SAMTOR: variants seen among roughly 807,000 people sequenced by gnomAD.
The protein encoded by SAMTOR is S-adenosylmethionine sensor upstream of mTORC1.
the SAMTOR span, among the ~76,000 whole-genome samples, chr7:112,917,892 T>A: frequency 9.2e-5 from 14 of 152,046 alleles, no homozygotes; most frequent in African/African-American, 2.9e-4. Flanking sequence ...AAGGGAAGTT[T>A]AGAGAAAAAA....
the SAMTOR span, among the ~76,000 whole-genome samples, chr7:112,922,077 T>C: frequency 6.6e-6 from 1 of 152,144 alleles, no homozygotes; most frequent in East Asian, 1.9e-4. Flanking sequence ...TGCATCAGCC[T>C]GCCGAGTGCC....
the SAMTOR span, among the ~76,000 whole-genome samples, chr7:112,864,883 T>C: frequency 6.6e-6 from 1 of 152,214 alleles, no homozygotes; most frequent in Non-Finnish European, 1.5e-5. Flanking sequence ...GTCTCCCAAG[T>C]AGCTAGGACA....
chr7:112,903,971 A>G, the SAMTOR span, among the ~76,000 whole-genome samples: 1 of 152,192 alleles, frequency 6.6e-6, no homozygotes, highest in South Asian at 2.1e-4. Context: ...TTAAAAAAAA[A>G]AGCGGGTACT....
the SAMTOR span, among the ~76,000 whole-genome samples, chr7:112,859,679 C>A: frequency 6.6e-6 from 1 of 151,186 alleles, no homozygotes; most frequent in Non-Finnish European, 1.5e-5. Context: ...GTGTTTGTGT[C>A]TTAGCTTTTA....
the SAMTOR span, among the ~76,000 whole-genome samples, chr7:112,862,051 T>G: frequency 6.6e-6 from 1 of 152,072 alleles, no homozygotes; most frequent in South Asian, 2.1e-4. Flanking sequence ...GCTCAGGAGT[T>G]CCAGACCAGG....
the SAMTOR span, among the ~76,000 whole-genome samples, chr7:112,881,832 G>A: frequency 4.6e-5 from 7 of 152,278 alleles, no homozygotes; most frequent in East Asian, 1.2e-3. Context: ...CTGGATACGG[G>A]AAAAGAACTA....
At chr7:112,877,442 C>T in the SAMTOR span, among the ~76,000 whole-genome samples, 2 of 152,104 alleles carry the variant, frequency 1.3e-5, no homozygotes, top group Non-Finnish European at 2.9e-5. Context: ...AAATGTATTG[C>T]TATTTACCAT....
chr7:112,898,755 T>C, the SAMTOR span, among the ~76,000 whole-genome samples: 1 of 152,218 alleles, frequency 6.6e-6, no homozygotes, highest in African/African-American at 2.4e-5. Flanking sequence ...CAGACACTCA[T>C]TCCACCTGGG....
At chr7:112,891,021 T>C in the SAMTOR span, among the ~76,000 whole-genome samples, 1 of 152,124 alleles carries the variant, frequency 6.6e-6, no homozygotes, top group Non-Finnish European at 1.5e-5. Flanking sequence ...AAGGAAATCA[T>C]GCTTAAAGAA....
chr7:112,897,296 T>C, the SAMTOR span, among the ~76,000 whole-genome samples: 1 of 152,314 alleles, frequency 6.6e-6, no homozygotes, highest in East Asian at 1.9e-4. Flanking sequence ...GATGGGTGCA[T>C]TTTATTGTAT....
At chr7:112,921,004 G>A in the SAMTOR span, among the ~76,000 whole-genome samples, 1 of 152,168 alleles carries the variant, frequency 6.6e-6, no homozygotes, top group African/African-American at 2.4e-5. Context: ...TCAATATGGT[G>A]AAAATGGCCA....
chr7:112,834,219 C>T, the SAMTOR span, among the ~76,000 whole-genome samples: 1 of 152,174 alleles, frequency 6.6e-6, no homozygotes, highest in Admixed American at 6.5e-5. Flanking sequence ...ATTCAATCTT[C>T]AAATTCATGA....
the SAMTOR span, among the ~76,000 whole-genome samples, chr7:112,918,469 A>G: frequency 6.6e-6 from 1 of 152,196 alleles, no homozygotes; most frequent in African/African-American, 2.4e-5. Flanking sequence ...GAAAGGAACA[A>G]CCACTACCAG....
chr7:112,901,080 T>C, the SAMTOR span, among the ~76,000 whole-genome samples: 1 of 152,174 alleles, frequency 6.6e-6, no homozygotes. Context: ...GTGAAAGACA[T>C]TGTCAAGAGA....
chr7:112,924,563 CCTGAGAGAATTATTTTTGAGGGGG>C, the SAMTOR span, among the ~76,000 whole-genome samples: 1 of 152,006 alleles, frequency 6.6e-6, no homozygotes. Flanking sequence ...TGATTTTAAA[CCTGAGAGAATTATTTTTGAGGGGG>C]CTATGTACTC....
chr7:112,831,488 C>A, the SAMTOR span, among the ~76,000 whole-genome samples: 1 of 152,092 alleles, frequency 6.6e-6, no homozygotes, highest in Non-Finnish European at 1.5e-5. Flanking sequence ...GAAACCCTGT[C>A]TCTACCAAAA....
the SAMTOR span, among the ~76,000 whole-genome samples, chr7:112,838,870 G>T: frequency 6.6e-6 from 1 of 151,784 alleles, no homozygotes; most frequent in African/African-American, 2.4e-5. Flanking sequence ...ATAAACTAAA[G>T]TTGCTGAGAG....
chr7:112,924,199 T>TA, the SAMTOR span, among the ~76,000 whole-genome samples: 3 of 150,084 alleles, frequency 2.0e-5, no homozygotes, highest in East Asian at 1.9e-4. Context: ...ATAATAATAA[T>TA]AAAAAAAAGA....
chr7:112,935,315 T>A, the SAMTOR span: 1 of 364,110 alleles, frequency 2.7e-6, no homozygotes, highest in South Asian at 2.1e-5. Context: ...TCATTCTAAT[T>A]TTTAAAACAA....
Sources: allele counts gnomAD v4.1 joint callset (sites outside exome capture counted in the v4.1 genomes callset), GRCh38; gene constraint gnomAD v4.1.1; transcripts MANE v1.5; gene names NCBI Gene and HGNC (gene_info 2026-07-23, HGNC 2026-07-21).